KDM4B: variants seen among roughly 807,000 people sequenced by gnomAD.
The protein encoded by KDM4B is lysine-specific demethylase 4B.
In KDM4B, 32 loss-of-function variants were observed where a neutral mutation model predicts 125.2. The ratio of observed to expected loss-of-function variants is 0.26; its 90% CI spans 0.19 to 0.34. KDM4B has a LOEUF of 0.34. Among genes scored for constraint, KDM4B ranks in the 10% least tolerant of loss-of-function variants. The probability of loss-of-function intolerance (pLI) is 1.00; values close to 1 mark genes in which losing one functional copy is unlikely to be tolerated. For missense variants in KDM4B, 1,190 were observed against 1,577.7 expected (o/e 0.75, Z 4.16); for synonymous variants, 721 against 677.9 (o/e 1.06, Z -0.99).
chr19:4,986,099 G>C (rs1358258675), intron 1 of KDM4B, among the ~76,000 whole-genome samples: 3 of 152,246 alleles, frequency 2.0e-5, no homozygotes, highest in African/African-American at 7.2e-5. Flanking sequence ...TGCCCCGGGG[G>C]AGTAGTGATG....
chr19:5,076,151 CCA>C (rs2038102958), intron 7 of KDM4B: 1 of 85,766 alleles, frequency 1.2e-5, no homozygotes, highest in Non-Finnish European at 2.3e-5. Flanking sequence ...ACGAGAGCGG[CCA>C]CACTGCATCC....
At chr19:5,121,648 A>G (rs1440929438) in intron 11 of KDM4B, among the ~76,000 whole-genome samples, 1 of 152,202 alleles carries the variant, frequency 6.6e-6, no homozygotes, top group African/African-American at 2.4e-5. Flanking sequence ...AATGATCTTT[A>G]TGGAGAAAAT....
chr19:5,108,904 C>T (rs1224662501), intron 9 of KDM4B, among the ~76,000 whole-genome samples: 1 of 152,172 alleles, frequency 6.6e-6, no homozygotes, highest in African/African-American at 2.4e-5. Context: ...GACGGGGGCC[C>T]GTGCCTCTGC....
chr19:5,090,642 C>A, intron 9 of KDM4B, among the ~76,000 whole-genome samples: 1 of 117,924 alleles, frequency 8.5e-6, no homozygotes, highest in South Asian at 3.3e-4. Flanking sequence ...CGTGCGCCCC[C>A]CTCCGGCCCC....
chr19:4,977,544 C>A (rs2034490672), intron 1 of KDM4B, among the ~76,000 whole-genome samples: 2 of 152,176 alleles, frequency 1.3e-5, no homozygotes, highest in African/African-American at 4.8e-5. Context: ...CCGGCAGTGG[C>A]GGTGGGCCTG....
intron 6 of KDM4B, among the ~76,000 whole-genome samples, chr19:5,056,213 C>T (rs759601953): frequency 5.9e-5 from 9 of 152,134 alleles, no homozygotes; most frequent in Non-Finnish European, 1.0e-4. Flanking sequence ...ACCACAGGGG[C>T]GAAGGGCCCT....
At chr19:5,047,455 C>T (rs780027578) in intron 5 of KDM4B, 21 bp from the exon 6 acceptor site, 14 of 1,582,124 alleles carry the variant, frequency 8.8e-6, no homozygotes, top group African/African-American at 4.0e-5. Context: ...CGGTTGCCGA[C>T]GCTGCTCTGC....
intron 3 of KDM4B, 51 bp downstream of exon 3, chr19:5,033,082 G>A: frequency 1.3e-6 from 2 of 1,591,344 alleles, no homozygotes; most frequent in South Asian, 1.1e-5. Context: ...TGCGCCGCGG[G>A]CCTGCGGACA....
intron 9 of KDM4B, among the ~76,000 whole-genome samples, chr19:5,090,462 G>GCCTCTTTCTCTCCCCCCC (rs2038665695): frequency 3.1e-5 from 1 of 31,834 alleles, no homozygotes; most frequent in African/African-American, 1.4e-4. Flanking sequence ...CTCTCTCTCC[G>GCCTCTTTCTCTCCCCCCC]CCTCTTTCTC....
chr19:5,033,063 CCATCAGCCTGCGCCGCGGGCCTG>C (rs755610795), intron 3 of KDM4B, 32 bp downstream of exon 3: 1,039 of 1,607,172 alleles, frequency 6.5e-4, no homozygotes, highest in Non-Finnish European at 8.0e-4. Flanking sequence ...GCGCGGCCCT[CCATCAGCCTGCGCCGCGGGCCTG>C]CGGACATCCT....
At chr19:5,040,168 A>T (rs2036761661) in intron 4 of KDM4B, among the ~76,000 whole-genome samples, 157 bp downstream of exon 4, 1 of 152,074 alleles carries the variant, frequency 6.6e-6, no homozygotes, top group South Asian at 2.1e-4. Flanking sequence ...CCCTGCTCCC[A>T]GGGTGGATCT....
At chr19:5,011,161 G>A (rs1226732507) in intron 1 of KDM4B, among the ~76,000 whole-genome samples, 1 of 152,132 alleles carries the variant, frequency 6.6e-6, no homozygotes, top group Admixed American at 6.5e-5. Flanking sequence ...GGCTCAGCTT[G>A]TATATTCTGC....
At chr19:4,969,606 G>T (rs2034174986) in intron 1 of KDM4B, among the ~76,000 whole-genome samples, 1 of 151,840 alleles carries the variant, frequency 6.6e-6, no homozygotes, top group Non-Finnish European at 1.5e-5. Flanking sequence ...TATCACCCGG[G>T]ACAAGCCTCG....
intron 9 of KDM4B, among the ~76,000 whole-genome samples, chr19:5,099,787 A>C (rs2038896854): frequency 6.6e-6 from 1 of 152,258 alleles, no homozygotes; most frequent in African/African-American, 2.4e-5. Context: ...AGGAGGACAC[A>C]GTGAGAAGGC....
chr19:5,114,175 GC>G lies in KDM4B; in HGVS notation c.1115+3358del, dbSNP rs1568306046. 1 of 1,289,768 alleles carries G rather than the reference GC, an allele frequency of 7.8e-7. No individual in the cohort carries two copies. The highest frequency in any genetic ancestry group is 5.5e-5 in the East Asian group (1 of 18,022). 79.9% of individuals were successfully genotyped at this position (1,289,768 alleles called of 1,614,324 possible). A position where few individuals can be genotyped will look rare whatever the true frequency, so the allele number is the denominator to read the frequency against. On this transcript the variant is annotated intron_variant, in intron 10 of 22. Coordinates refer to ENST00000159111, the MANE Select transcript of KDM4B (RefSeq NM_015015.3). The surrounding 1 kb of genome is among the most constrained non-coding windows in gnomAD (Gnocchi z 5.8). ...TGGCACCCACGCGACGCTCCTCCAT[GC>G]AAACTCTTTCCACGCGAGAAGCGCC...
At chr19:5,103,987 T>A (rs1158491515) in intron 9 of KDM4B, among the ~76,000 whole-genome samples, 1 of 152,134 alleles carries the variant, frequency 6.6e-6, no homozygotes, top group African/African-American at 2.4e-5. Context: ...CACCCGCACA[T>A]CATGGGGTGG....
intron 9 of KDM4B, among the ~76,000 whole-genome samples, chr19:5,096,236 C>T (rs976176115): frequency 2.0e-5 from 3 of 151,942 alleles, no homozygotes; most frequent in African/African-American, 7.3e-5. Flanking sequence ...ACAGGTGCGC[C>T]ACCACACCTG....
chr19:5,077,338 G>A, intron 7 of KDM4B, 29 bp from the exon 8 acceptor site: 1 of 1,597,558 alleles, frequency 6.3e-7, no homozygotes, highest in Non-Finnish European at 8.6e-7. Flanking sequence ...TGTGGCCCAG[G>A]AGACTGACGT....
intron 1 of KDM4B, among the ~76,000 whole-genome samples, chr19:4,992,363 A>C: frequency 6.6e-6 from 1 of 152,086 alleles, no homozygotes; most frequent in East Asian, 1.9e-4. Flanking sequence ...GAGATGCTTA[A>C]ATTAATATTT....
Sources: allele counts gnomAD v4.1 joint callset (sites outside exome capture counted in the v4.1 genomes callset), GRCh38; gene constraint gnomAD v4.1.1; non-coding constraint Gnocchi (gnomAD v3.1); transcripts MANE v1.5; gene names NCBI Gene and HGNC (gene_info 2026-07-23, HGNC 2026-07-21).